The following DEPDC5 variants were observed in gnomAD, a reference collection of about 807,000 sequenced individuals.
DEPDC5 encodes GATOR1 complex protein DEPDC5.
In DEPDC5, 73 loss-of-function variants were observed where a neutral mutation model predicts 217.3. The observed-to-expected ratio is 0.34, with a 90% CI of 0.28 to 0.41. The LOEUF (loss-of-function observed/expected upper bound fraction) is 0.41, where lower values mean the gene tolerates loss of function less well. Among genes scored for constraint, DEPDC5 ranks in the 10% least tolerant of loss-of-function variants. DEPDC5 has a pLI of 1.00. For synonymous variants in DEPDC5, 733 were observed against 756.7 expected, an observed-to-expected ratio of 0.97 and a Z score of 0.51; for missense variants, 1,675 against 2,070.1, an observed-to-expected ratio of 0.81 and a Z score of 3.70.
At chr22:31,788,313 G>T (rs1488725787) in intron 10 of DEPDC5, among the ~76,000 whole-genome samples, 1 of 112,530 alleles carries the variant, frequency 8.9e-6, no homozygotes, top group Non-Finnish European at 1.7e-5. Flanking sequence ...TCGCCATGTT[G>T]CCCAGGCTAG....
chr22:31,831,546 C>T (rs1031069586), intron 24 of DEPDC5, among the ~76,000 whole-genome samples: 3 of 152,064 alleles, frequency 2.0e-5, no homozygotes, highest in Non-Finnish European at 4.4e-5. Context: ...CAACCTCAGC[C>T]TCCCGGGTTC....
intron 32 of DEPDC5, chr22:31,857,875 C>T (rs146890413): frequency 3.8e-4 from 71 of 189,300 alleles, no homozygotes; most frequent in Middle Eastern, 2.1e-3. Context: ...CATAAGGAGA[C>T]ACCATTTCTT....
chr22:31,838,203 CT>C (rs1479543576), intron 26 of DEPDC5, among the ~76,000 whole-genome samples: 5 of 152,058 alleles, frequency 3.3e-5, no homozygotes, highest in Admixed American at 3.3e-4. Context: ...ATTGAGTTAC[CT>C]GCCTCTTTTC....
chr22:31,797,804 T>C, intron 13 of DEPDC5, 101 bp downstream of exon 13: 5 of 898,524 alleles, frequency 5.6e-6, no homozygotes, highest in Non-Finnish European at 7.1e-6. Flanking sequence ...CCCATTGCCG[T>C]GTGTAGTTTC....
intron 38 of DEPDC5, among the ~76,000 whole-genome samples, chr22:31,892,489 G>GATTAC (rs2093458085): frequency 6.6e-6 from 1 of 152,138 alleles, no homozygotes; most frequent in Non-Finnish European, 1.5e-5. Context: ...TTTGAGACCA[G>GATTAC]CCTGGCCAAC....
chr22:31,859,686 C>T (rs1015196275), intron 32 of DEPDC5, among the ~76,000 whole-genome samples: 3 of 152,204 alleles, frequency 2.0e-5, no homozygotes, highest in Non-Finnish European at 2.9e-5. Context: ...AGCCACCATG[C>T]GCAGCCGTAA....
intron 24 of DEPDC5, among the ~76,000 whole-genome samples, chr22:31,827,487 C>T (rs1453047920): frequency 6.6e-6 from 1 of 152,180 alleles, no homozygotes; most frequent in East Asian, 1.9e-4. Context: ...AGCGAGTTAC[C>T]TGGTCTTGGG....
chr22:31,846,211 C>T (rs1300122552), intron 30 of DEPDC5, among the ~76,000 whole-genome samples: 1 of 152,180 alleles, frequency 6.6e-6, no homozygotes, highest in Non-Finnish European at 1.5e-5. Flanking sequence ...CCAAACATCA[C>T]AGAAAAGAGA....
intron 32 of DEPDC5, chr22:31,859,117 G>A (rs1345555916): frequency 9.6e-5 from 11 of 114,426 alleles, no homozygotes; most frequent in South Asian, 2.9e-4. Context: ...TTGAGACGGA[G>A]TCTCACTCTG....
intron 2 of DEPDC5, among the ~76,000 whole-genome samples, chr22:31,756,065 A>G (rs1435370212): frequency 5.0e-5 from 5 of 100,004 alleles, no homozygotes; most frequent in Non-Finnish European, 1.0e-4. Context: ...TTTGTATTTT[A>G]GTAGAGAGGG....
At chr22:31,895,562 A>G (rs993686487) in intron 39 of DEPDC5, among the ~76,000 whole-genome samples, 1 of 152,126 alleles carries the variant, frequency 6.6e-6, no homozygotes, top group African/African-American at 2.4e-5. Flanking sequence ...TGTGGCTTCT[A>G]CTGAATCTCG....
chr22:31,844,723 TTTTTTG>T, intron 29 of DEPDC5: 6 of 197,770 alleles, frequency 3.0e-5, no homozygotes, highest in South Asian at 3.3e-4. Flanking sequence ...TTTTTTTTTT[TTTTTTG>T]AGACAAGGTG....
At position 31,906,512 on chromosome 22, in the gene DEPDC5, T is replaced by A. The variant is rs777913258; in HGVS notation, c.*15T>A. 6.4e-6 allele frequency: 10 copies of A among 1,554,708 alleles called. No homozygotes were observed. Among genetic ancestry groups the A allele is most frequent in the Middle Eastern group, 1.7e-4 (1 of 5,818 alleles). ...GTGCCCCGTGAGGCCAGGCTGCACC[T>A]GTGCTGGGGGAAGGTGGGTGAGCCA... is the stretch of plus-strand genomic sequence containing the variant. On this transcript the variant is annotated 3_prime_UTR_variant, in exon 43 of 43. Coordinates refer to ENST00000651528, the MANE Select transcript of DEPDC5 (RefSeq NM_001242896.3). This position sits in a 1 kb window ranked among gnomAD's most constrained non-coding sequence, Gnocchi z 5.1.
chr22:31,874,276 A>C lies in DEPDC5; in HGVS notation c.3567A>C (p.Thr1189=), dbSNP rs142197878. The C allele has an allele frequency of 6.2e-7, 1 of 1,606,864 alleles. No individual in the cohort carries two copies. Among genetic ancestry groups the C allele is most frequent in the Admixed American group, 1.7e-5 (1 of 59,294 alleles). The change falls in exon 36 of 43, where the codon ACA becomes ACC. Residue 1189 remains threonine (T), a synonymous_variant. Transcript: ENST00000651528. ...CGTTCACCGTGTTGGAACCCAGGAC[A>C]GGAGTCCAGCTGCTCTCTGAACAGA... ...EILEAMKHPS[T]GVQLLSEQKG...
intron 1 of DEPDC5, among the ~76,000 whole-genome samples, chr22:31,754,483 C>T (rs1191248775): frequency 6.6e-6 from 1 of 152,264 alleles, no homozygotes. Flanking sequence ...AGTCCCTTGC[C>T]CGGAGTCACA....
chr22:31,906,557 G>A lies in DEPDC5; in HGVS notation c.*60G>A, dbSNP rs901459987. 5.0e-6 allele frequency: 8 copies of A among 1,584,690 alleles called. No homozygotes were observed. The highest frequency in any genetic ancestry group is 3.4e-5 in the Admixed American group (2 of 58,966). On this transcript the variant is annotated 3_prime_UTR_variant, in exon 43 of 43. Coordinates refer to ENST00000651528, the MANE Select transcript of DEPDC5 (RefSeq NM_001242896.3). The surrounding 1 kb of genome is among the most constrained non-coding windows in gnomAD (Gnocchi z 5.1). The stretch of plus-strand genomic sequence containing the variant: ...GAGCCACTGCCCTCAAACCCGGGGC[G>A]GAGGATTCCAGGCAGGCTCTAGGAG...
chr22:31,860,382 T>C (rs2092466658), intron 32 of DEPDC5, among the ~76,000 whole-genome samples: 1 of 152,146 alleles, frequency 6.6e-6, no homozygotes, highest in Non-Finnish European at 1.5e-5. Context: ...ACCCAAATAT[T>C]TCAGTTATTC....
At chr22:31,884,514 C>G (rs2093258785) in intron 38 of DEPDC5, among the ~76,000 whole-genome samples, 1 of 152,230 alleles carries the variant, frequency 6.6e-6, no homozygotes, top group African/African-American at 2.4e-5. Flanking sequence ...TCTCTGACTC[C>G]TCCTTTAAAC....
At chr22:31,777,621 G>A (rs1033976635) in intron 7 of DEPDC5, among the ~76,000 whole-genome samples, 1 of 152,040 alleles carries the variant, frequency 6.6e-6, no homozygotes, top group Non-Finnish European at 1.5e-5. Flanking sequence ...TTCATATTCA[G>A]TATAGTATGA....
Sources: gnomAD v4.1 joint callset for allele counts (sites outside exome capture counted in the v4.1 genomes callset) on GRCh38, gnomAD v4.1.1 for gene constraint, Gnocchi (gnomAD v3.1) non-coding constraint, MANE v1.5 for transcripts, NCBI Gene and HGNC (gene_info 2026-07-23, HGNC 2026-07-21) for gene names.